The following ARSG variants were observed in gnomAD, a reference collection of about 807,000 sequenced individuals.
The protein encoded by ARSG is arylsulfatase G.
In ARSG, 37 loss-of-function variants were observed where a neutral mutation model predicts 50.5. The observed-to-expected ratio is 0.73, with a 90% CI of 0.56 to 0.96. The LOEUF (loss-of-function observed/expected upper bound fraction) is 0.96, where lower values mean the gene tolerates loss of function less well. Ranked by LOEUF, ARSG falls within the 50% of genes least tolerant of loss-of-function variation. ARSG has a pLI of 0.00. For synonymous variants in ARSG, 225 were observed against 254.6 expected (o/e 0.88, Z 1.11); for missense variants, 629 against 675.3 (o/e 0.93, Z 0.76).
chr17:68,314,700 T>TA (rs1555767913), intron 2 of ARSG, among the ~76,000 whole-genome samples: 2 of 151,778 alleles, frequency 1.3e-5, no homozygotes. Flanking sequence ...GAGTGTCTCA[T>TA]AAAAAAAATA....
At chr17:68,268,770 A>G (rs555979078) in intron 1 of ARSG, 252 of 275,198 alleles carry the variant, frequency 9.2e-4, no homozygotes, top group African/African-American at 5.1e-3. Context: ...TTGCCAGTTC[A>G]TGTCACTATT....
At chr17:68,422,934 C>G (rs2082903743), downstream of ARSG, among the ~76,000 whole-genome samples, 1 of 152,044 alleles carries the variant, frequency 6.6e-6, no homozygotes, top group Non-Finnish European at 1.5e-5. Flanking sequence ...TCTTTTCTTT[C>G]ACTGCTCTCA....
chr17:68,356,132 T>C (rs1442987542), intron 5 of ARSG, among the ~76,000 whole-genome samples: 1 of 152,228 alleles, frequency 6.6e-6, no homozygotes, highest in East Asian at 1.9e-4. Flanking sequence ...TCTGCTGGCC[T>C]CGGTCTCCCA....
chr17:68,338,409 A>G (rs1439833959), intron 2 of ARSG, among the ~76,000 whole-genome samples: 1 of 152,112 alleles, frequency 6.6e-6, no homozygotes, highest in Non-Finnish European at 1.5e-5. Flanking sequence ...CTGGCTGTGG[A>G]GTGGGCGAGT....
intron 2 of ARSG, 123 bp downstream of exon 2, chr17:68,307,834 A>G (rs1167551536): frequency 4.8e-6 from 3 of 623,604 alleles, no homozygotes; most frequent in Non-Finnish European, 8.4e-6. Context: ...TAGTTAATTT[A>G]TTAATTAATT....
At chr17:68,277,556 A>G (rs1555751400) in intron 1 of ARSG, among the ~76,000 whole-genome samples, 1 of 152,142 alleles carries the variant, frequency 6.6e-6, no homozygotes, top group African/African-American at 2.4e-5. Flanking sequence ...CAGCCTCCCA[A>G]GTACTGAGGA....
At chr17:68,268,509 G>C (rs2075222065) in intron 1 of ARSG, 1 of 152,272 alleles carries the variant, frequency 6.6e-6, no homozygotes, top group East Asian at 1.9e-4. Flanking sequence ...GCAAGCAGAG[G>C]CCGTAATTTG....
At chr17:68,315,996 A>T (rs1020770992) in intron 2 of ARSG, among the ~76,000 whole-genome samples, 9 of 152,196 alleles carry the variant, frequency 5.9e-5, no homozygotes, top group African/African-American at 2.2e-4. Flanking sequence ...AGGCTCACCC[A>T]GCCAGGGATG....
chr17:68,410,345 T>G (rs1470307030), intron 11 of ARSG, among the ~76,000 whole-genome samples: 3 of 145,080 alleles, frequency 2.1e-5, no homozygotes, highest in Admixed American at 7.0e-5. Context: ...GTTGTTGAAT[T>G]TTGTCAAAGG....
At chr17:68,333,635 AATAATAAT>A (rs1436257968) in intron 2 of ARSG, among the ~76,000 whole-genome samples, 4 of 13,290 alleles carry the variant, frequency 3.0e-4, no homozygotes, top group Non-Finnish European at 8.8e-4. Flanking sequence ...TCTCAAAAAT[AATAATAAT>A]AATAATAATA....
intron 8 of ARSG, among the ~76,000 whole-genome samples, chr17:68,371,005 A>G (rs976792055): frequency 6.6e-6 from 1 of 152,146 alleles, no homozygotes; most frequent in Non-Finnish European, 1.5e-5. Flanking sequence ...TGGCAGTCAT[A>G]GCTCCATTTA....
Position 68,368,826 on chromosome 17 carries a change from C to T in ARSG, c.901+82C>T, listed in dbSNP as rs1448005126. ...TACCTGTGAAGAGCAGAGTCTGGCC[C>T]CGTGATCCCCTTTCATAGGTCAGGA... On this transcript the variant is annotated intron_variant, in intron 7 of 11. Coordinates refer to ENST00000621439, the MANE Select transcript of ARSG (RefSeq NM_001267727.2). 3.4e-6 allele frequency: 5 copies of T among 1,456,316 alleles called. No homozygotes were observed. The South Asian group carries it at 6.0e-5, about 18-fold the overall frequency. 90.2% of individuals were successfully genotyped at this position (1,456,316 alleles called of 1,614,324 possible).
the ARSG span, among the ~76,000 whole-genome samples, chr17:68,441,681 C>G: frequency 6.6e-6 from 1 of 152,306 alleles, no homozygotes; most frequent in East Asian, 1.9e-4. Flanking sequence ...TGACTGCCCG[C>G]ATGGACAGGG....
chr17:68,277,286 A>G (rs1555751260), intron 1 of ARSG, among the ~76,000 whole-genome samples: 2 of 151,902 alleles, frequency 1.3e-5, no homozygotes, highest in Admixed American at 6.6e-5. Context: ...ACATACCACC[A>G]TGCCCAGTTA....
intron 10 of ARSG, among the ~76,000 whole-genome samples, chr17:68,396,113 A>C (rs1010932235): frequency 2.6e-5 from 4 of 150,974 alleles, no homozygotes; most frequent in African/African-American, 9.8e-5. Context: ...GGTTCAAGCG[A>C]TTCTGCTGCC....
intron 4 of ARSG, among the ~76,000 whole-genome samples, 179 bp from the exon 5 acceptor site, chr17:68,351,396 A>T (rs978511236): frequency 6.6e-6 from 1 of 152,222 alleles, no homozygotes. Flanking sequence ...GCCAGAACCC[A>T]GCAAAGTGAT....
At chr17:68,306,244 C>A (rs759871171) in intron 1 of ARSG, among the ~76,000 whole-genome samples, 1 of 151,980 alleles carries the variant, frequency 6.6e-6, no homozygotes, top group Non-Finnish European at 1.5e-5. Flanking sequence ...TCAGGTGATC[C>A]GCCCGCCTTG....
intron 2 of ARSG, among the ~76,000 whole-genome samples, chr17:68,312,935 A>G (rs1555767262): frequency 6.6e-6 from 1 of 152,108 alleles, no homozygotes; most frequent in Non-Finnish European, 1.5e-5. Flanking sequence ...GGACTGCTGG[A>G]ACAAATTACT....
chr17:68,291,322 C>T, upstream of ARSG: 1 of 144,116 alleles, frequency 6.9e-6, no homozygotes, highest in Admixed American at 6.8e-5. Flanking sequence ...CCCCGGCCGC[C>T]TGCGACCCGG....
Sources: gnomAD v4.1 joint callset for allele counts (sites outside exome capture counted in the v4.1 genomes callset) on GRCh38, gnomAD v4.1.1 for gene constraint, MANE v1.5 for transcripts, NCBI Gene and HGNC (gene_info 2026-07-23, HGNC 2026-07-21) for gene names.